SPDL1: variants seen among roughly 807,000 people sequenced by gnomAD.
SPDL1 encodes protein Spindly.
Under a neutral mutation model 79.5 loss-of-function variants are expected in SPDL1, and 85 were observed. The ratio of observed to expected loss-of-function variants is 1.07; its 90% CI spans 0.90 to 1.28. SPDL1 has a LOEUF of 1.28. SPDL1 is among the 50% of genes most tolerant of loss of function. The probability of loss-of-function intolerance (pLI) is 0.00; values close to 1 mark genes in which losing one functional copy is unlikely to be tolerated. For synonymous variants in SPDL1, 269 were observed against 240.3 expected, an observed-to-expected ratio of 1.12 and a Z score of -1.10; for missense variants, 703 against 697.8, an observed-to-expected ratio of 1.01 and a Z score of -0.08.
intron 7 of SPDL1, 54 bp downstream of exon 7, chr5:169,594,735 C>T: frequency 8.2e-7 from 1 of 1,212,356 alleles, no homozygotes; most frequent in Non-Finnish European, 1.2e-6. Flanking sequence ...GTCAGCATTA[C>T]ATGTATGAAT....
At chr5:169,595,042 C>G (rs773128865) in intron 7 of SPDL1, among the ~76,000 whole-genome samples, 2 of 152,152 alleles carry the variant, frequency 1.3e-5, no homozygotes, top group Non-Finnish European at 2.9e-5. Flanking sequence ...AGCTGAAACT[C>G]GCTGCCTCAC....
chr5:169,591,284 C>T, intron 3 of SPDL1, 60 bp downstream of exon 3: 3 of 1,531,072 alleles, frequency 2.0e-6, no homozygotes, highest in Admixed American at 2.0e-5. Context: ...CATCTGTAAA[C>T]TTTAGATGAT....
At chr5:169,592,214 C>CTTTTTTTTTTTTTTTTTTTTTTTTTTTT in intron 3 of SPDL1, among the ~76,000 whole-genome samples, 1 of 97,050 alleles carries the variant, frequency 1.0e-5, no homozygotes, top group Admixed American at 1.4e-4. Flanking sequence ...TTTTTTTTTC[C>CTTTTTTTTTTTTTTTTTTTTTTTTTTTT]TTTTTTTTTT....
intron 1 of SPDL1, among the ~76,000 whole-genome samples, chr5:169,586,714 T>A (rs1755001730): frequency 6.6e-6 from 1 of 152,228 alleles, no homozygotes; most frequent in Admixed American, 6.5e-5. Flanking sequence ...AAAATCATAT[T>A]GACCTTACCT....
chr5:169,590,017 A>G lies in SPDL1; in HGVS notation c.160-1031A>G, dbSNP rs537454094. On this transcript the variant is annotated intron_variant, in intron 2 of 11. Coordinates refer to ENST00000265295, the MANE Select transcript of SPDL1 (RefSeq NM_017785.5). ...CCTGATTCCACTCTTAATTATCTGCATTGCTAATTATCTCTAGATTATAAA... is the reference window on the plus strand; with the variant it reads ...CCTGATTCCACTCTTAATTATCTGCGTTGCTAATTATCTCTAGATTATAAA... 2.6e-5 allele frequency among the ~76,000 whole-genome samples: 4 copies of G among 152,262 alleles called. 1 individual carries two copies. The highest frequency in any genetic ancestry group is 7.2e-5 in the African/African-American group (3 of 41,552).
intron 2 of SPDL1, among the ~76,000 whole-genome samples, chr5:169,589,724 CAG>C (rs1197877573): frequency 6.8e-6 from 1 of 147,508 alleles, no homozygotes; most frequent in East Asian, 2.0e-4. Context: ...TTTTTTGAAA[CAG>C]GGTCTCACTC....
chr5:169,593,471 T>G lies in SPDL1; in HGVS notation c.454T>G (p.Ser152Ala). 1 of 1,614,146 alleles carries G rather than the reference T, an allele frequency of 6.2e-7. No individual in the cohort carries two copies. The highest frequency in any genetic ancestry group is 1.3e-5 in the African/African-American group (1 of 75,042). The change falls in exon 4 of 12, where the codon TCT (serine) becomes GCT (alanine). Residue 152 changes from serine to alanine, a missense_variant. Physicochemically the swap from Ser to Ala is moderately conservative, Grantham distance 99 (BLOSUM62 1). Transcript: ENST00000265295. ...TAAATCAGAGGAACTGCGCGTAATG[T>G]CTGAACGTGTGCAGGAAAGCATGTC... ...SCKSEELRVM[S>A]ERVQESMSSE... is the part of the protein sequence containing the mutation.
Position 169,593,352 on chromosome 5 carries a change from A to C in SPDL1, c.337-2A>C, listed in dbSNP as rs1460588672. The C allele has an allele frequency of 1.3e-6, 2 of 1,571,296 alleles. No homozygotes were observed. Among genetic ancestry groups the C allele is most frequent in the South Asian group, 2.4e-5 (2 of 84,260 alleles). On this transcript the variant is annotated splice_acceptor_variant, in intron 3 of 11. Transcript: ENST00000265295. LOFTEE classifies it high-confidence loss of function. ...TTATGACTTTTTTTTTTTTGGCTTT[A>C]GATAGAAAAACTGAAAGTGGAATTA...
intron 11 of SPDL1, 37 bp downstream of exon 11, chr5:169,601,662 C>A (rs113153721): frequency 6.6e-7 from 1 of 1,520,574 alleles, no homozygotes; most frequent in Admixed American, 1.7e-5. Flanking sequence ...GCCAGCAGAC[C>A]TCTCCATCTC....
chr5:169,603,603 C>A (rs1221345810), intron 11 of SPDL1, among the ~76,000 whole-genome samples: 1 of 152,130 alleles, frequency 6.6e-6, no homozygotes, highest in Non-Finnish European at 1.5e-5. Context: ...CACCTGTAAT[C>A]CCGGCACTTT....
At chr5:169,598,383 TA>T (rs1187925902) in intron 8 of SPDL1, 92 bp from the exon 9 acceptor site, 2 of 793,780 alleles carry the variant, frequency 2.5e-6, no homozygotes, top group Non-Finnish European at 4.3e-6. Flanking sequence ...CCAAGGGATA[TA>T]AATTCAGGAA....
intron 7 of SPDL1, chr5:169,596,172 CTTAA>C (rs1305887547): frequency 2.3e-4 from 37 of 159,038 alleles, no homozygotes; most frequent in African/African-American, 6.7e-4. Flanking sequence ...GTTTTCCTCA[CTTAA>C]TTAAAGTTAA....
chr5:169,588,683 A>G (rs1755115126), intron 2 of SPDL1, 108 bp downstream of exon 2: 1 of 1,020,388 alleles, frequency 9.8e-7, no homozygotes, highest in African/African-American at 1.7e-5. Flanking sequence ...AAGATTTTAG[A>G]TCTAGTTCCC....
chr5:169,584,580 T>G (rs1754881114), intron 1 of SPDL1, among the ~76,000 whole-genome samples: 1 of 152,208 alleles, frequency 6.6e-6, no homozygotes, highest in Non-Finnish European at 1.5e-5. Context: ...CAGTGAGTAG[T>G]GGAGGCGGGG....
intron 3 of SPDL1, among the ~76,000 whole-genome samples, chr5:169,591,587 G>A (rs1426466842): frequency 6.6e-6 from 1 of 152,166 alleles, no homozygotes; most frequent in African/African-American, 2.4e-5. Context: ...CTGTAAAACA[G>A]ACCAGTAGTT....
At chr5:169,598,624 C>T in intron 9 of SPDL1, 45 bp downstream of exon 9, 1 of 1,459,130 alleles carries the variant, frequency 6.9e-7, no homozygotes, top group Non-Finnish European at 9.6e-7. Flanking sequence ...ATGTCACTTG[C>T]TTACTATGGT....
chr5:169,592,679 GATA>G (rs1257437215), intron 3 of SPDL1, among the ~76,000 whole-genome samples: 3 of 151,996 alleles, frequency 2.0e-5, no homozygotes, highest in Admixed American at 2.0e-4. Flanking sequence ...CCTAATGACT[GATA>G]ATGATGTGCT....
At chr5:169,598,377 G>A in intron 8 of SPDL1, 99 bp from the exon 9 acceptor site, 1 of 749,968 alleles carries the variant, frequency 1.3e-6, no homozygotes, top group Non-Finnish European at 2.3e-6. Flanking sequence ...AGTACGCCAA[G>A]GGATATAAAT....
In SPDL1 at chr5:169,593,942, G is replaced by T. The variant is rs188862367; in HGVS notation, c.532-203G>T. The stretch of plus-strand genomic sequence containing the variant: ...AAGCCTGAAATTGATAGAGGAAAAA[G>T]GGCAGTCTCTAAAGCCATTTGTTTC... On this transcript the variant is annotated intron_variant, in intron 4 of 11. Coordinates refer to ENST00000265295, the MANE Select transcript of SPDL1 (RefSeq NM_017785.5). Among the ~76,000 whole-genome samples the T allele has an allele frequency of 6.6e-5, 10 of 152,282 alleles. No homozygotes were observed. In the East Asian group the frequency reaches 1.2e-3, roughly 18 times the overall value.
Sources: allele counts gnomAD v4.1 joint callset (sites outside exome capture counted in the v4.1 genomes callset), GRCh38; gene constraint gnomAD v4.1.1; transcripts MANE v1.5; gene names NCBI Gene and HGNC (gene_info 2026-07-23, HGNC 2026-07-21).